DIAPH2: variants seen among roughly 807,000 people sequenced by gnomAD.
The protein encoded by DIAPH2 is protein diaphanous homolog 2.
In DIAPH2, 35 loss-of-function variants were observed where a neutral mutation model predicts 92.7. The ratio of observed to expected loss-of-function variants is 0.38; its 90% CI spans 0.29 to 0.50. DIAPH2 has a LOEUF of 0.50. Ranked by LOEUF, DIAPH2 falls within the 20% of genes least tolerant of loss-of-function variation. The pLI is 0.94. For missense variants in DIAPH2, 701 were observed against 819.5 expected, an observed-to-expected ratio of 0.86 and a Z score of 1.77; for synonymous variants, 301 against 280.4, an observed-to-expected ratio of 1.07 and a Z score of -0.73.
intron 26 of DIAPH2, among the ~76,000 whole-genome samples, chrX:97,539,055 AAAC>A (rs1411705088): frequency 1.8e-5 from 2 of 112,275 alleles, no homozygotes; most frequent in East Asian, 2.8e-4. Context: ...AAGAAGAAAA[AAAC>A]AACATCACCT....
chrX:97,385,362 A>G (rs150520017), intron 25 of DIAPH2, among the ~76,000 whole-genome samples: 7,882 of 109,839 alleles, frequency 0.072, 297 homozygotes, highest in Non-Finnish European at 0.11. Context: ...CCTCCCGAGT[A>G]GCTGGGATTA....
rs779589824 is a variant in DIAPH2 at position 96,797,765 on chromosome X, T to C, written c.447+39507T>C. The stretch of plus-strand genomic sequence containing the variant: ...TTACATAGGTAAATGTGGAGTTGCA[T>C]TGTTTTTGATAAGAAGTCACCAATC... On this transcript the variant is annotated intron_variant, in intron 4 of 26. Transcript: ENST00000324765. Among the ~76,000 whole-genome samples the C allele has an allele frequency of 3.9e-4, 44 of 112,679 alleles. 1 individual carries two copies. In the South Asian group the frequency reaches 0.015, roughly 38 times the overall value.
intron 21 of DIAPH2, among the ~76,000 whole-genome samples, chrX:97,122,898 A>G (rs920770278): frequency 1.8e-5 from 2 of 111,543 alleles, no homozygotes; most frequent in Non-Finnish European, 3.8e-5. Flanking sequence ...GCAAGATTCT[A>G]TGCTACACCA....
At chrX:97,357,835 A>C (rs752870258) in intron 24 of DIAPH2, among the ~76,000 whole-genome samples, 41 of 112,309 alleles carry the variant, frequency 3.7e-4, no homozygotes, top group African/African-American at 1.3e-3. Flanking sequence ...GCTTGTAAGC[A>C]CAGAGCAGTG....
At chrX:96,995,094 C>A (rs1352371117) in intron 17 of DIAPH2, among the ~76,000 whole-genome samples, 1 of 111,498 alleles carries the variant, frequency 9.0e-6, no homozygotes. Flanking sequence ...AAATGAAGAA[C>A]AATATGATAT....
At chrX:97,566,899 A>G (rs2147871881) in intron 26 of DIAPH2, among the ~76,000 whole-genome samples, 1 of 111,998 alleles carries the variant, frequency 8.9e-6, no homozygotes, top group East Asian at 2.8e-4. Context: ...ATAAACGCTG[A>G]TTATATCTAT....
At chrX:97,295,771 G>A (rs1025586936) in intron 23 of DIAPH2, among the ~76,000 whole-genome samples, 5 of 101,534 alleles carry the variant, frequency 4.9e-5, no homozygotes, top group Non-Finnish European at 7.9e-5. Context: ...CACTTTTGTC[G>A]CCTATGCTGG....
intron 17 of DIAPH2, among the ~76,000 whole-genome samples, chrX:97,028,114 T>C (rs773086032): frequency 8.9e-6 from 1 of 111,906 alleles, no homozygotes; most frequent in East Asian, 2.8e-4. Flanking sequence ...AAATATTTCA[T>C]AGAATTTTTT....
intron 25 of DIAPH2, among the ~76,000 whole-genome samples, chrX:97,429,167 A>G (rs1204295607): frequency 8.9e-6 from 1 of 112,286 alleles, no homozygotes; most frequent in Non-Finnish European, 1.9e-5. Context: ...ATTGAATGCA[A>G]ATGTGTTTTG....
intron 26 of DIAPH2, among the ~76,000 whole-genome samples, chrX:97,559,488 CAA>C (rs1235826953): frequency 1.9e-4 from 8 of 43,024 alleles, no homozygotes; most frequent in Middle Eastern, 0.016. Flanking sequence ...GACTCCGTCT[CAA>C]AAAAAAAAAA....
chrX:97,178,417 T>G (rs1034121736), intron 22 of DIAPH2, among the ~76,000 whole-genome samples: 1 of 108,336 alleles, frequency 9.2e-6, no homozygotes, highest in African/African-American at 3.4e-5. Flanking sequence ...GAAGCAATCC[T>G]GTACCTGTGA....
chrX:96,864,510 A>C (rs1375282596), intron 4 of DIAPH2, among the ~76,000 whole-genome samples: 1 of 111,774 alleles, frequency 8.9e-6, no homozygotes, highest in Non-Finnish European at 1.9e-5. Flanking sequence ...AATTAATTAA[A>C]CAAAGAATAT....
At chrX:97,272,684 A>G (rs1010778639) in intron 23 of DIAPH2, among the ~76,000 whole-genome samples, 1 of 111,894 alleles carries the variant, frequency 8.9e-6, no homozygotes, top group Non-Finnish European at 1.9e-5. Flanking sequence ...TAATACATTA[A>G]TAGGTATAGA....
chrX:97,412,588 C>A (rs1428637742), intron 25 of DIAPH2, among the ~76,000 whole-genome samples: 1 of 111,581 alleles, frequency 9.0e-6, no homozygotes, highest in Non-Finnish European at 1.9e-5. Context: ...ACACAAAAAA[C>A]CCTTCAAAAA....
At chrX:97,537,303 T>A (rs1440078289) in intron 26 of DIAPH2, among the ~76,000 whole-genome samples, 1 of 111,834 alleles carries the variant, frequency 8.9e-6, no homozygotes, top group Non-Finnish European at 1.9e-5. Flanking sequence ...AGTTTGAACA[T>A]CATTCTGTAT....
At chrX:97,243,861 A>G (rs1305687614) in intron 22 of DIAPH2, among the ~76,000 whole-genome samples, 1 of 111,978 alleles carries the variant, frequency 8.9e-6, no homozygotes, top group Admixed American at 9.6e-5. Context: ...GGAAGTAGAC[A>G]TAAATTTAAA....
At chrX:96,732,556 C>A (rs1033678931) in intron 1 of DIAPH2, among the ~76,000 whole-genome samples, 55 of 112,084 alleles carry the variant, frequency 4.9e-4, no homozygotes, top group African/African-American at 1.7e-3. Flanking sequence ...ATGAAATTTA[C>A]AAATCAAGAA....
chrX:96,996,832 A>G (rs760754824), intron 17 of DIAPH2, among the ~76,000 whole-genome samples: 114 of 112,162 alleles, frequency 1.0e-3, no homozygotes, highest in African/African-American at 3.6e-3. Context: ...TGTATTTTTG[A>G]TATTCGATAT....
At chrX:96,756,093 T>C (rs2064227161) in intron 3 of DIAPH2, among the ~76,000 whole-genome samples, 1 of 111,763 alleles carries the variant, frequency 8.9e-6, no homozygotes, top group South Asian at 3.8e-4. Context: ...CTCAAACTCC[T>C]GGGCCCAAGT....
Sources: allele counts gnomAD v4.1 joint callset (sites outside exome capture counted in the v4.1 genomes callset), GRCh38; gene constraint gnomAD v4.1.1; transcripts MANE v1.5; gene names NCBI Gene and HGNC (gene_info 2026-07-23, HGNC 2026-07-21).